QTMAN: variants seen among roughly 807,000 people sequenced by gnomAD.
The protein encoded by QTMAN is tRNA-queuosine alpha-mannosyltransferase.
At chr2:144,317,364 G>GGGAAGGAAGGAAGGAAGGAAGGAA in the QTMAN span, 1 of 88,176 alleles carries the variant, frequency 1.1e-5, no homozygotes, top group African/African-American at 4.0e-5. Flanking sequence ...GATCTTCAAG[G>GGGAAGGAAGGAAGGAAGGAAGGAA]GGAAGGAAGG....
chr2:144,183,184 G>A, the QTMAN span, among the ~76,000 whole-genome samples: 9 of 151,438 alleles, frequency 5.9e-5, no homozygotes, highest in Admixed American at 6.0e-4. Flanking sequence ...TTAGAGGTTG[G>A]GTTTCAGGTG....
the QTMAN span, among the ~76,000 whole-genome samples, chr2:144,328,289 G>A: frequency 6.6e-6 from 1 of 152,094 alleles, no homozygotes; most frequent in Non-Finnish European, 1.5e-5. Flanking sequence ...ATTATCGTCT[G>A]TTTAAATGAC....
chr2:144,067,324 A>G, the QTMAN span, among the ~76,000 whole-genome samples: 3 of 152,246 alleles, frequency 2.0e-5, no homozygotes, highest in Non-Finnish European at 4.4e-5. Flanking sequence ...AAATTAATAT[A>G]TAATGATTTG....
the QTMAN span, among the ~76,000 whole-genome samples, chr2:144,303,462 GA>G: frequency 6.6e-6 from 1 of 152,032 alleles, no homozygotes; most frequent in African/African-American, 2.4e-5. Context: ...ACTGGAGGAG[GA>G]AAAGATAAAT....
At chr2:144,238,962 A>T in the QTMAN span, among the ~76,000 whole-genome samples, 1 of 151,922 alleles carries the variant, frequency 6.6e-6, no homozygotes, top group African/African-American at 2.4e-5. Flanking sequence ...AAGATTATAA[A>T]CCTCCAGCCT....
chr2:144,177,345 T>G, the QTMAN span: 1 of 596,000 alleles, frequency 1.7e-6, no homozygotes, highest in Admixed American at 2.9e-5. Flanking sequence ...AATAGCCAAG[T>G]AAACTCTGTG....
the QTMAN span, among the ~76,000 whole-genome samples, chr2:144,312,024 T>C: frequency 1.1e-3 from 169 of 152,292 alleles, 1 homozygote; most frequent in African/African-American, 3.9e-3. Context: ...CAAACATATT[T>C]CTCTGGATCT....
chr2:144,228,387 T>G, the QTMAN span, among the ~76,000 whole-genome samples: 1 of 152,208 alleles, frequency 6.6e-6, no homozygotes, highest in Non-Finnish European at 1.5e-5. Context: ...ATAAACATGG[T>G]CAAATTCCTC....
At chr2:144,184,896 C>T in the QTMAN span, among the ~76,000 whole-genome samples, 1 of 151,964 alleles carries the variant, frequency 6.6e-6, no homozygotes, top group African/African-American at 2.4e-5. Flanking sequence ...AAGTCTAATG[C>T]TCTAGATGAG....
At chr2:143,965,926 TTCCA>T in the QTMAN span, among the ~76,000 whole-genome samples, 12 of 152,344 alleles carry the variant, frequency 7.9e-5, no homozygotes, top group African/African-American at 2.9e-4. Flanking sequence ...GCTGGGTTGT[TTCCA>T]GCAAGAAGAT....
At chr2:144,006,028 G>A in the QTMAN span, 1 of 152,138 alleles carries the variant, frequency 6.6e-6, no homozygotes, top group Admixed American at 6.5e-5. Context: ...CCTTGAAACA[G>A]GTTAATCTCA....
the QTMAN span, among the ~76,000 whole-genome samples, chr2:144,075,415 A>G: frequency 1.3e-5 from 2 of 152,178 alleles, no homozygotes; most frequent in African/African-American, 4.8e-5. Flanking sequence ...TTTAATGTTT[A>G]ATTTCTTTTC....
chr2:144,007,271 A>G, the QTMAN span: 1 of 1,613,146 alleles, frequency 6.2e-7, no homozygotes. Flanking sequence ...GATTTTGTTT[A>G]TTTTCACCAT....
At chr2:144,128,397 A>C in the QTMAN span, 1 of 152,094 alleles carries the variant, frequency 6.6e-6, no homozygotes, top group Non-Finnish European at 1.5e-5. Context: ...AATGAGTTAC[A>C]GATCAGAGAA....
At chr2:143,950,807 T>G in the QTMAN span, 2 of 151,988 alleles carry the variant, frequency 1.3e-5, no homozygotes, top group African/African-American at 2.4e-5. Context: ...CTGTTTTCTC[T>G]GTGGAGCTTC....
the QTMAN span, among the ~76,000 whole-genome samples, chr2:144,189,885 G>A: frequency 2.6e-5 from 4 of 152,114 alleles, no homozygotes; most frequent in African/African-American, 9.7e-5. Context: ...GCCTCCCAAA[G>A]TGCTGGGATT....
chr2:144,141,599 A>AG, the QTMAN span, among the ~76,000 whole-genome samples: 6 of 150,492 alleles, frequency 4.0e-5, no homozygotes, highest in South Asian at 2.1e-4. Flanking sequence ...AAAAAAAAAA[A>AG]AAAGAAAGAA....
the QTMAN span, among the ~76,000 whole-genome samples, chr2:144,109,698 A>G: frequency 6.6e-6 from 1 of 152,160 alleles, no homozygotes; most frequent in Non-Finnish European, 1.5e-5. Flanking sequence ...TTTACAAGAA[A>G]AAAAAAACAA....
At chr2:144,295,299 A>G in the QTMAN span, 9 of 152,178 alleles carry the variant, frequency 5.9e-5, no homozygotes, top group Admixed American at 5.9e-4. Flanking sequence ...TTCTTTTCTG[A>G]TGCTCTCAGA....
Sources: gnomAD v4.1 joint callset for allele counts (sites outside exome capture counted in the v4.1 genomes callset) on GRCh38, gnomAD v4.1.1 for gene constraint, MANE v1.5 for transcripts, NCBI Gene and HGNC (gene_info 2026-07-23, HGNC 2026-07-21) for gene names.